The following MYO7A variants were observed in gnomAD, a reference collection of about 807,000 sequenced individuals.
MYO7A encodes the protein myosin VIIA.
MYO7A carries 210 observed loss-of-function variants against 263.8 expected under a neutral mutation model. That is an observed-to-expected ratio of 0.80 (90% CI 0.71 to 0.89). MYO7A has a LOEUF of 0.89. MYO7A is among the 40% of genes least tolerant of loss of function. MYO7A has a pLI of 0.00. For missense variants in MYO7A, 2,820 were observed against 2,968.3 expected, an observed-to-expected ratio of 0.95 and a Z score of 1.16; for synonymous variants, 1,239 against 1,197.3, an observed-to-expected ratio of 1.03 and a Z score of -0.72.
At chr11:77,148,309 G>A (rs1429950245) in intron 4 of MYO7A, among the ~76,000 whole-genome samples, 12 of 152,234 alleles carry the variant, frequency 7.9e-5, no homozygotes, top group African/African-American at 2.2e-4. Context: ...TCTGCTGGGC[G>A]TTTGCTAAGG....
At chr11:77,195,377 C>A (rs1479105589) in intron 32 of MYO7A, among the ~76,000 whole-genome samples, 1 of 152,076 alleles carries the variant, frequency 6.6e-6, no homozygotes, top group East Asian at 1.9e-4. Context: ...AAGTGAGAGC[C>A]CTGCCCTTCA....
chr11:77,168,449 C>T (rs1323430021), intron 15 of MYO7A, among the ~76,000 whole-genome samples: 6 of 152,190 alleles, frequency 3.9e-5, no homozygotes, highest in African/African-American at 7.2e-5. Context: ...CTCATTCACT[C>T]CCCACTGCAA....
intron 1 of MYO7A, among the ~76,000 whole-genome samples, chr11:77,130,104 G>A (rs1352115602): frequency 6.6e-6 from 1 of 152,254 alleles, no homozygotes; most frequent in Non-Finnish European, 1.5e-5. Context: ...GTGCTCTTGA[G>A]AGGTTTCAGG....
chr11:77,165,696 G>T (rs1175161932), intron 14 of MYO7A, among the ~76,000 whole-genome samples: 1 of 152,158 alleles, frequency 6.6e-6, no homozygotes, highest in East Asian at 1.9e-4. Flanking sequence ...AGATCAACAT[G>T]CATTCTCTCC....
chr11:77,199,183 C>A (rs1337626482), intron 34 of MYO7A, among the ~76,000 whole-genome samples: 2 of 152,184 alleles, frequency 1.3e-5, no homozygotes, highest in Non-Finnish European at 2.9e-5. Context: ...ACTGACCAGA[C>A]ACATGCCAGG....
At chr11:77,196,835 C>T (rs1181203320) in intron 32 of MYO7A, among the ~76,000 whole-genome samples, 1 of 152,194 alleles carries the variant, frequency 6.6e-6, no homozygotes, top group African/African-American at 2.4e-5. Flanking sequence ...TCTGACCCCT[C>T]CAATGCTACC....
At chr11:77,168,681 G>T (rs1348182566) in intron 15 of MYO7A, among the ~76,000 whole-genome samples, 2 of 152,148 alleles carry the variant, frequency 1.3e-5, no homozygotes, top group African/African-American at 2.4e-5. Flanking sequence ...TGTAGTCACA[G>T]CTACTTGGAG....
chr11:77,134,781 C>CTT (rs34558738), intron 2 of MYO7A, among the ~76,000 whole-genome samples: 159 of 124,568 alleles, frequency 1.3e-3, no homozygotes, highest in African/African-American at 1.7e-3. Context: ...TACCACTTAA[C>CTT]TTTTTTTTTT....
chr11:77,188,220 A>G (rs3781694), intron 27 of MYO7A, among the ~76,000 whole-genome samples: 93,989 of 152,060 alleles, frequency 0.62, 30,100 homozygotes, highest in African/African-American at 0.79. Context: ...AGGTGATAAT[A>G]TCTCACTAGT....
chr11:77,157,428 C>A (rs531535669), intron 8 of MYO7A, 36 bp downstream of exon 8: 9 of 1,458,242 alleles, frequency 6.2e-6, no homozygotes, highest in Non-Finnish European at 8.5e-6. Flanking sequence ...AGGGGGGCAC[C>A]CACCCTAGGA....
At chr11:77,131,843 C>A (rs1475058624) in intron 2 of MYO7A, among the ~76,000 whole-genome samples, 2 of 152,232 alleles carry the variant, frequency 1.3e-5, no homozygotes, top group African/African-American at 4.8e-5. Flanking sequence ...AAGAAAGCCC[C>A]AGCCCTGGGG....
At chr11:77,148,134 C>CGG (rs1555055210) in intron 4 of MYO7A, among the ~76,000 whole-genome samples, 184 bp downstream of exon 4, 1 of 152,206 alleles carries the variant, frequency 6.6e-6, no homozygotes, top group Non-Finnish European at 1.5e-5. Flanking sequence ...AGCCGCTCGG[C>CGG]GGGGTCTCAT....
chr11:77,201,505 A>G lies in MYO7A; in HGVS notation c.4910A>G (p.His1637Arg), dbSNP rs372054499. Reference protein sequence around the residue: ...FAKGDLIILDHDTGEQVMNSG... With the variant: ...FAKGDLIILDRDTGEQVMNSG... ...AAGGGAGACCTCATCATCCTGGACC[A>G]TGACACGGGCGAGCAGGTCATGAAC... Residue 1637 changes from histidine (H) to arginine (R), a missense_variant, in exon 36 of 49, where the codon CAT becomes CGT. Transcript: ENST00000409709. The G allele has an allele frequency of 1.2e-5, 19 of 1,613,846 alleles. No homozygotes were observed. The highest frequency in any genetic ancestry group is 1.7e-5 in the Admixed American group (1 of 60,006).
Position 77,182,133 on chromosome 11 carries a change from T to G in MYO7A, c.3087T>G (p.His1029Gln). 6.2e-7 allele frequency: 1 copy of G among 1,613,316 alleles called. No homozygotes were observed. Residue 1029 changes from histidine (H) to glutamine (Q), a missense_variant, in exon 24 of 49, where the codon CAT (histidine) becomes CAG (glutamine). By Grantham distance (24) the His-to-Gln change is conservative. Coordinates refer to ENST00000409709, the MANE Select transcript of MYO7A (RefSeq NM_000260.4). The part of the protein sequence containing the change: ...RRPLKQPLLY[H>Q]DDEGDQLAAL... ...CACTCAAACAGCCACTGCTCTACCA[T>G]GACGACGAGGGTGACCAGCTGGTAA...
intron 2 of MYO7A, among the ~76,000 whole-genome samples, chr11:77,140,167 A>G (rs1288627991): frequency 6.6e-6 from 1 of 152,206 alleles, no homozygotes; most frequent in Non-Finnish European, 1.5e-5. Context: ...CCCAGGGGAA[A>G]CAAACATTTT....
intron 14 of MYO7A, among the ~76,000 whole-genome samples, chr11:77,164,122 C>G (rs1953302418): frequency 6.6e-6 from 1 of 152,156 alleles, no homozygotes; most frequent in South Asian, 2.1e-4. Context: ...CTTCTTTTCC[C>G]CTGGGGACAG....
At chr11:77,172,973 G>A in intron 16 of MYO7A, 88 bp downstream of exon 16, 1 of 1,456,710 alleles carries the variant, frequency 6.9e-7, no homozygotes, top group Non-Finnish European at 9.2e-7. Flanking sequence ...GGGAGTGAAG[G>A]ATGTGAGACT....
chr11:77,210,548 A>G (rs1957795217), intron 44 of MYO7A, among the ~76,000 whole-genome samples: 1 of 152,220 alleles, frequency 6.6e-6, no homozygotes. Context: ...TCCTCAGGCC[A>G]GCCTCAGTTT....
intron 38 of MYO7A, 30 bp downstream of exon 38, chr11:77,203,247 G>A: frequency 1.3e-6 from 2 of 1,544,008 alleles, no homozygotes; most frequent in South Asian, 2.4e-5. Context: ...GTGCCCAGGG[G>A]AGCCAGGGAC....
Sources: gnomAD v4.1 joint callset for allele counts (sites outside exome capture counted in the v4.1 genomes callset) on GRCh38, gnomAD v4.1.1 for gene constraint, MANE v1.5 for transcripts, NCBI Gene and HGNC (gene_info 2026-07-23, HGNC 2026-07-21) for gene names.